ACRBP: variants seen among roughly 807,000 people sequenced by gnomAD.
The protein encoded by ACRBP is acrosin binding protein.
A neutral mutation model predicts 69.0 loss-of-function variants in ACRBP; 52 were observed. The observed-to-expected ratio is 0.75, with a 90% confidence interval of 0.60 to 0.95. The LOEUF (loss-of-function observed/expected upper bound fraction) is 0.95, where lower values mean the gene tolerates loss of function less well. ACRBP is among the 40% of genes least tolerant of loss of function. The probability of loss-of-function intolerance (pLI) is 0.00; values close to 1 mark genes in which losing one functional copy is unlikely to be tolerated. For synonymous variants in ACRBP, 267 were observed against 258.9 expected (o/e 1.03, Z -0.30); for missense variants, 604 against 673.0 (o/e 0.90, Z 1.13).
chr12:6,647,373 A>C lies in ACRBP; in HGVS notation c.-7T>G, dbSNP rs1203413580. 6.5e-7 allele frequency: 1 copy of C among 1,532,648 alleles called. No individual in the cohort carries two copies. The highest frequency in any genetic ancestry group is 1.2e-5 in the South Asian group (1 of 83,064). 94.9% of individuals were successfully genotyped at this position (1,532,648 alleles called of 1,614,324 possible). A position where few individuals can be genotyped will look rare whatever the true frequency, so the allele number is the denominator to read the frequency against. On this transcript the variant is annotated 5_prime_UTR_variant, in exon 1 of 10. Transcript: ENST00000229243. Reference sequence around the variant, plus strand: ...CAGCGGCTGGCTTCCTCATGGCCGGAGAAGATCCGCCCGCGTCCCGTGGAC... The same window carrying C: ...CAGCGGCTGGCTTCCTCATGGCCGGCGAAGATCCGCCCGCGTCCCGTGGAC...
rs755301869 is a variant in ACRBP, at chr12:6,643,685, G to A, written c.945-14C>T. ...AGCTGCAGGAGGCTGCAAGAAGACAGCACTGAGGGTGGGGCTGGGCCAGGT... is the reference window on the plus strand; with the variant it reads ...AGCTGCAGGAGGCTGCAAGAAGACAACACTGAGGGTGGGGCTGGGCCAGGT... On this transcript the variant is annotated splice_polypyrimidine_tract_variant and intron_variant, in intron 5 of 9. Transcript: ENST00000229243. The A allele has an allele frequency of 6.2e-7, 1 of 1,612,644 alleles. No homozygotes were observed. The highest frequency in any genetic ancestry group is 1.1e-5 in the South Asian group (1 of 91,066).
At position 6,644,225 on chromosome 12, in the gene ACRBP, G is replaced by A. The variant is rs750015910; in HGVS notation, c.856C>T (p.Gln286Ter). The change falls in exon 5 of 10, where the codon CAG (glutamine) becomes TAG (stop). Residue 286 changes from glutamine to a stop codon, truncating the protein, a stop_gained. Transcript: ENST00000229243. LOFTEE classifies it high-confidence loss of function. ...TCCTGGGCTGATCGAATGAGCTCCTGGATGTTCTCCATTATCATAGGAGTA... is the reference window on the plus strand; with the variant it reads ...TCCTGGGCTGATCGAATGAGCTCCTAGATGTTCTCCATTATCATAGGAGTA... ...ESTPMIMENI[Q>*]ELIRSAQEID... is the part of the protein sequence containing the mutation. The A allele has an allele frequency of 1.9e-6, 3 of 1,613,950 alleles. No homozygotes were observed. The highest frequency in any genetic ancestry group is 2.5e-6 in the Non-Finnish European group (3 of 1,179,904).
Position 6,646,516 on chromosome 12 carries a change from G to A in ACRBP, c.324C>T (p.His108=). ...SWFESFCQFT[H]YRCSNHVYYA... is the part of the protein sequence containing the mutation. The stretch of plus-strand genomic sequence containing the variant: ...AGTAGACGTGGTTGGAGCAACGGTA[G>A]TGAGTGAACTGGCAGAAAGACTCAA... The change falls in exon 3 of 10, where the codon CAC becomes CAT. Residue 108 remains histidine (H), a synonymous_variant. Coordinates refer to ENST00000229243, the MANE Select transcript of ACRBP (RefSeq NM_032489.3). 1.2e-6 allele frequency: 2 copies of A among 1,614,132 alleles called. No homozygotes were observed. Among genetic ancestry groups the A allele is most frequent in the Non-Finnish European group, 1.7e-6 (2 of 1,180,030 alleles).
At chr12:6,644,971 CAAT>C (rs1397198317) in intron 4 of ACRBP, among the ~76,000 whole-genome samples, 1 of 152,172 alleles carries the variant, frequency 6.6e-6, no homozygotes, top group African/African-American at 2.4e-5. Context: ...TGTAATGCAA[CAAT>C]GTCTCTGGAA....
In ACRBP at chr12:6,647,412, A is replaced by T. The variant is rs975882691; in HGVS notation, c.-46T>A. On this transcript the variant is annotated 5_prime_UTR_variant, in exon 1 of 10. Transcript: ENST00000229243. ...CGTCCCGTGGACACAAGCCGCCTCT[A>T]ACGGGCCAAGCCGCAGAGAGAGCCG... is the stretch of plus-strand genomic sequence containing the variant. The T allele has an allele frequency of 8.0e-6, 12 of 1,492,582 alleles. No individual in the cohort carries two copies. Among genetic ancestry groups the T allele is most frequent in the Non-Finnish European group, 1.1e-5 (12 of 1,117,838 alleles). 92.5% of individuals were successfully genotyped at this position (1,492,582 alleles called of 1,614,324 possible). A position where few individuals can be genotyped will look rare whatever the true frequency, so the allele number is the denominator to read the frequency against.
chr12:6,639,722 C>T (rs776831134), intron 8 of ACRBP, among the ~76,000 whole-genome samples: 2 of 152,212 alleles, frequency 1.3e-5, no homozygotes, highest in East Asian at 1.9e-4. Context: ...CAGTGGTGCA[C>T]GTGTCACTCA....
At chr12:6,646,690 G>A in intron 2 of ACRBP, 104 bp downstream of exon 2, 1 of 1,516,822 alleles carries the variant, frequency 6.6e-7, no homozygotes, top group Admixed American at 1.8e-5. Flanking sequence ...ATGGTGTGGT[G>A]CCAGCCATGC....
At chr12:6,644,754 A>C in intron 4 of ACRBP, 149 bp from the exon 5 acceptor site, 1 of 1,311,448 alleles carries the variant, frequency 7.6e-7, no homozygotes, top group Non-Finnish European at 1.0e-6. Context: ...TAAGTATTAA[A>C]CTAAAAGAAC....
At chr12:6,645,360 G>C in intron 3 of ACRBP, 23 bp from the exon 4 acceptor site, 3 of 1,576,950 alleles carry the variant, frequency 1.9e-6, no homozygotes, top group Non-Finnish European at 2.6e-6. Flanking sequence ...AAGGAAAATG[G>C]GAAAGCCTTT....
At chr12:6,644,929 G>A (rs752119051) in intron 4 of ACRBP, among the ~76,000 whole-genome samples, 5 of 152,112 alleles carry the variant, frequency 3.3e-5, no homozygotes, top group Non-Finnish European at 5.9e-5. Context: ...CTAAAGTGAA[G>A]ACATTAGCTT....
intron 1 of ACRBP, 149 bp downstream of exon 1, chr12:6,647,175 C>A: frequency 1.8e-6 from 2 of 1,124,120 alleles, no homozygotes; most frequent in Non-Finnish European, 2.6e-6. Context: ...CGGCCGCGGG[C>A]GGGGGGAGAT....
At chr12:6,644,027 C>T (rs1291624023) in intron 5 of ACRBP, 110 bp downstream of exon 5, 2 of 1,494,268 alleles carry the variant, frequency 1.3e-6, no homozygotes, top group African/African-American at 2.8e-5. Context: ...GCCTGAAGTC[C>T]AGACAGGTCT....
rs556293213 is a variant in ACRBP at position 6,638,086 on chromosome 12, A to G, written c.*196T>C. 1.4e-6 allele frequency: 1 copy of G among 692,380 alleles called. No individual in the cohort carries two copies. Among genetic ancestry groups the G allele is most frequent in the Non-Finnish European group, 2.3e-6 (1 of 426,486 alleles). 42.9% of individuals were successfully genotyped at this position (692,380 alleles called of 1,614,324 possible). On this transcript the variant is annotated 3_prime_UTR_variant, in exon 10 of 10. Coordinates refer to ENST00000229243, the MANE Select transcript of ACRBP (RefSeq NM_032489.3). ...CAGGCCACACAGGCTGAAGATCAACATTTTATGTAAAGTCATCTTTTAAGG... is the reference window on the plus strand; with the variant it reads ...CAGGCCACACAGGCTGAAGATCAACGTTTTATGTAAAGTCATCTTTTAAGG...
intron 4 of ACRBP, 69 bp downstream of exon 4, chr12:6,645,151 G>T: frequency 8.2e-7 from 1 of 1,219,316 alleles, no homozygotes; most frequent in Non-Finnish European, 1.2e-6. Context: ...TGCCATGGAT[G>T]CCTTACGTTG....
intron 1 of ACRBP, 101 bp from the exon 2 acceptor site, chr12:6,647,113 G>T: frequency 8.4e-7 from 1 of 1,191,072 alleles, no homozygotes; most frequent in Non-Finnish European, 1.2e-6. Context: ...ACGGGGTGAG[G>T]GTTATCCCTG....
chr12:6,647,033 TG>T, intron 1 of ACRBP, 21 bp from the exon 2 acceptor site: 1 of 1,601,680 alleles, frequency 6.2e-7, no homozygotes, highest in East Asian at 2.2e-5. Context: ...GGCGAACGGA[TG>T]ATGGAAGGAC....
At position 6,646,516 on chromosome 12, in the gene ACRBP, G is replaced by T. The variant is rs939104513; in HGVS notation, c.324C>A (p.His108Gln). The change falls in exon 3 of 10, where the codon CAC (histidine) becomes CAA (glutamine). Residue 108 changes from histidine (H) to glutamine (Q), a missense_variant. Physicochemically the swap from His to Gln is conservative, Grantham distance 24. Around this residue, in one of 3 missense-constraint regions of ACRBP, gnomAD observed 532 missense variants for 562.9 expected, o/e 0.95. Transcript: ENST00000229243. ...AGTAGACGTGGTTGGAGCAACGGTA[G>T]TGAGTGAACTGGCAGAAAGACTCAA... ...SWFESFCQFTHYRCSNHVYYA... is the reference protein window; with the variant it reads ...SWFESFCQFTQYRCSNHVYYA... 1.9e-6 allele frequency: 3 copies of T among 1,614,132 alleles called. No individual in the cohort carries two copies. The highest frequency in any genetic ancestry group is 1.7e-6 in the Non-Finnish European group (2 of 1,180,030).
In ACRBP at chr12:6,643,627, T is replaced by C. The variant is rs774114556; in HGVS notation, c.989A>G (p.Tyr330Cys). The change falls in exon 6 of 10, where the codon TAT becomes TGT. Residue 330 changes from tyrosine (Y) to cysteine (C), a missense_variant. Around this residue, in one of 3 missense-constraint regions of ACRBP, gnomAD observed 532 missense variants for 562.9 expected, o/e 0.95. Transcript: ENST00000229243. The part of the protein sequence containing the change: ...PHTEALLVLC[Y>C]SIVENTCIIT... ...GATGCAGGTATTCTCCACGATCGAA[T>C]AGCACAGCACCAGCAAGGCCTCTGT... The C allele has an allele frequency of 1.9e-6, 3 of 1,614,178 alleles. No individual in the cohort carries two copies. Among genetic ancestry groups the C allele is most frequent in the East Asian group, 2.2e-5 (1 of 44,868 alleles).
At chr12:6,641,882 T>C (rs1042781654) in intron 6 of ACRBP, among the ~76,000 whole-genome samples, 1 of 152,160 alleles carries the variant, frequency 6.6e-6, no homozygotes, top group East Asian at 1.9e-4. Context: ...ACCCTGTCTC[T>C]ACAAAAAAAT....
Sources: allele counts gnomAD v4.1 joint callset (sites outside exome capture counted in the v4.1 genomes callset), GRCh38; gene constraint gnomAD v4.1.1; regional missense constraint gnomAD v4.1.1; transcripts MANE v1.5; gene names NCBI Gene and HGNC (gene_info 2026-07-23, HGNC 2026-07-21).